Variants in ARID4B observed in about 807,000 individuals in gnomAD.
The protein encoded by ARID4B is AT-rich interactive domain-containing protein 4B.
In ARID4B, 26 loss-of-function variants were observed where a neutral mutation model predicts 147.5. The ratio of observed to expected loss-of-function variants is 0.18; its 90% CI spans 0.13 to 0.24. The LOEUF is 0.24. Ranked by LOEUF, ARID4B falls within the 10% of genes least tolerant of loss-of-function variation. ARID4B has a pLI of 1.00. For synonymous variants in ARID4B, 512 were observed against 507.9 expected, an observed-to-expected ratio of 1.01 and a Z score of -0.11; for missense variants, 1,179 against 1,511.5, an observed-to-expected ratio of 0.78 and a Z score of 3.65.
intron 17 of ARID4B, among the ~76,000 whole-genome samples, chr1:235,199,569 G>T (rs1571955910): frequency 1.3e-5 from 2 of 152,308 alleles, no homozygotes; most frequent in African/African-American, 4.8e-5. Flanking sequence ...GAGAAGAGAA[G>T]GAAATGGACT....
At chr1:235,211,245 C>T (rs557033606) in intron 17 of ARID4B, among the ~76,000 whole-genome samples, 4 of 152,046 alleles carry the variant, frequency 2.6e-5, no homozygotes, top group Non-Finnish European at 5.9e-5. Context: ...GCAGGAGAAG[C>T]GCTTGAACCC....
At chr1:235,198,125 G>A (rs970888172) in intron 17 of ARID4B, among the ~76,000 whole-genome samples, 4 of 152,164 alleles carry the variant, frequency 2.6e-5, no homozygotes, top group Admixed American at 6.5e-5. Context: ...GAGAGAAACT[G>A]AAGTCAGTTC....
intron 2 of ARID4B, among the ~76,000 whole-genome samples, chr1:235,289,639 A>G (rs574227111): frequency 2.0e-4 from 30 of 151,466 alleles, no homozygotes; most frequent in South Asian, 1.5e-3. Context: ...TGGGAGGATC[A>G]CTTGAGCCTG....
intron 19 of ARID4B, among the ~76,000 whole-genome samples, chr1:235,191,770 T>G (rs1157345960): frequency 6.6e-6 from 1 of 152,150 alleles, no homozygotes; most frequent in African/African-American, 2.4e-5. Flanking sequence ...TGTTACTCAA[T>G]TTTTAAAAAA....
At chr1:235,196,903 C>T (rs1017778635) in intron 17 of ARID4B, among the ~76,000 whole-genome samples, 3 of 133,372 alleles carry the variant, frequency 2.2e-5, no homozygotes, top group Non-Finnish European at 4.7e-5. Flanking sequence ...CATATTGTAA[C>T]GTATGGATAA....
chr1:235,172,955 G>A (rs6429413), intron 22 of ARID4B, among the ~76,000 whole-genome samples, 191 bp from the exon 23 acceptor site: 113,644 of 152,132 alleles, frequency 0.75, 43,821 homozygotes, highest in African/African-American at 0.93. Context: ...TAAATGCACA[G>A]TATTTGTTGA....
intron 6 of ARID4B, among the ~76,000 whole-genome samples, chr1:235,250,079 C>A (rs1185115401): frequency 6.6e-6 from 1 of 152,020 alleles, no homozygotes; most frequent in Non-Finnish European, 1.5e-5. Flanking sequence ...TGCACTCCAG[C>A]CTGGGCAACA....
At chr1:235,238,472 G>A (rs572738285) in intron 8 of ARID4B, among the ~76,000 whole-genome samples, 60 of 152,286 alleles carry the variant, frequency 3.9e-4, no homozygotes, top group African/African-American at 1.1e-3. Flanking sequence ...GTTGTCAAAC[G>A]TGAGAATAGT....
chr1:235,293,104 A>T (rs1340848116), intron 2 of ARID4B, among the ~76,000 whole-genome samples: 1 of 152,186 alleles, frequency 6.6e-6, no homozygotes, highest in East Asian at 1.9e-4. Flanking sequence ...CCTTGTGCCA[A>T]GCATTATGCT....
At chr1:235,234,916 AATCTGAAACCAAAGAATGTC>A (rs1668462192) in intron 8 of ARID4B, among the ~76,000 whole-genome samples, 1 of 152,256 alleles carries the variant, frequency 6.6e-6, no homozygotes, top group Non-Finnish European at 1.5e-5. Flanking sequence ...TTGTTGAAAG[AATCTGAAACCAAAGAATGTC>A]ATAATAGATT....
intron 19 of ARID4B, among the ~76,000 whole-genome samples, chr1:235,192,363 A>C (rs914154184): frequency 5.3e-5 from 8 of 152,250 alleles, no homozygotes; most frequent in Non-Finnish European, 1.0e-4. Context: ...AGTAAATAGT[A>C]TTTGATTGCT....
intron 2 of ARID4B, among the ~76,000 whole-genome samples, chr1:235,294,164 T>A (rs921507208): frequency 6.6e-6 from 1 of 152,148 alleles, no homozygotes; most frequent in Non-Finnish European, 1.5e-5. Context: ...CCTGGCCACC[T>A]GGAAAATTGA....
chr1:235,285,169 G>C lies in ARID4B; in HGVS notation c.7-24417C>G, dbSNP rs534843295. ...ACTCCTGGACTTAAGCCAACCCAAA[G>C]TGCTGGGATTAGAGGTGTGAGCCAT... is the stretch of plus-strand genomic sequence containing the variant. On this transcript the variant is annotated intron_variant, in intron 2 of 23. Coordinates refer to ENST00000264183, the MANE Select transcript of ARID4B (RefSeq NM_016374.6). 1.7e-4 allele frequency among the ~76,000 whole-genome samples: 26 copies of C among 152,214 alleles called. No individual in the cohort carries two copies. The South Asian group carries it at 5.0e-3, about 29-fold the overall frequency.
chr1:235,187,760 T>C (rs548546386), intron 19 of ARID4B, among the ~76,000 whole-genome samples: 1 of 152,286 alleles, frequency 6.6e-6, no homozygotes, highest in South Asian at 2.1e-4. Context: ...CTGGAAATAT[T>C]TGAAATGTCT....
intron 17 of ARID4B, among the ~76,000 whole-genome samples, chr1:235,201,046 G>A (rs935231247): frequency 6.6e-6 from 1 of 152,112 alleles, no homozygotes; most frequent in African/African-American, 2.4e-5. Flanking sequence ...TTGGGAGGCT[G>A]GGGTAGGAGA....
chr1:235,277,593 ATTGTGTGTGT>A (rs1431898532), intron 2 of ARID4B, among the ~76,000 whole-genome samples: 2 of 96,560 alleles, frequency 2.1e-5, no homozygotes, highest in Non-Finnish European at 4.0e-5. Context: ...AATGCCTTAT[ATTGTGTGTGT>A]GTGTGTGTGT....
At chr1:235,280,866 T>A (rs543396734) in intron 2 of ARID4B, among the ~76,000 whole-genome samples, 1 of 152,304 alleles carries the variant, frequency 6.6e-6, no homozygotes, top group South Asian at 2.1e-4. Flanking sequence ...GGCCTTGTGT[T>A]GACCCGAGCA....
chr1:235,314,902 G>C (rs1328376448), intron 2 of ARID4B, among the ~76,000 whole-genome samples: 3 of 151,986 alleles, frequency 2.0e-5, no homozygotes, highest in Non-Finnish European at 4.4e-5. Context: ...ATTTGCTATT[G>C]AAGTGCATTG....
At chr1:235,270,895 G>C (rs1463782452) in intron 2 of ARID4B, among the ~76,000 whole-genome samples, 2 of 152,102 alleles carry the variant, frequency 1.3e-5, no homozygotes, top group Admixed American at 6.6e-5. Context: ...TCAAAATTCA[G>C]AATACAAACA....
Sources: gnomAD v4.1 joint callset for allele counts (sites outside exome capture counted in the v4.1 genomes callset) on GRCh38, gnomAD v4.1.1 for gene constraint, MANE v1.5 for transcripts, NCBI Gene and HGNC (gene_info 2026-07-23, HGNC 2026-07-21) for gene names.